Variants in GPC6 observed in about 807,000 individuals in gnomAD.
The protein encoded by GPC6 is glypican 6.
Under a neutral mutation model 55.2 loss-of-function variants are expected in GPC6, and 14 were observed. That is an observed-to-expected ratio of 0.25 (90% confidence interval 0.17 to 0.40). The LOEUF (loss-of-function observed/expected upper bound fraction) is 0.40, where lower values mean the gene tolerates loss of function less well. Ranked by LOEUF, GPC6 falls within the 10% of genes least tolerant of loss-of-function variation. GPC6 has a pLI of 1.00. For missense variants in GPC6, 641 were observed against 708.5 expected (o/e 0.90, Z 1.08); for synonymous variants, 278 against 259.6 (o/e 1.07, Z -0.68).
chr13:93,849,798 T>G (rs1485828209), intron 3 of GPC6, among the ~76,000 whole-genome samples: 2 of 152,098 alleles, frequency 1.3e-5, no homozygotes, highest in African/African-American at 4.8e-5. Flanking sequence ...CACGTGAACA[T>G]TGTACATTTC....
At chr13:93,753,203 T>C (rs1246269882) in intron 2 of GPC6, among the ~76,000 whole-genome samples, 2 of 152,170 alleles carry the variant, frequency 1.3e-5, no homozygotes, top group African/African-American at 2.4e-5. Context: ...CGTTACTTAG[T>C]GTTGGCGGAA....
At chr13:94,071,848 C>T (rs148347938) in intron 4 of GPC6, among the ~76,000 whole-genome samples, 4 of 152,060 alleles carry the variant, frequency 2.6e-5, no homozygotes, top group South Asian at 2.1e-4. Flanking sequence ...CAGTATTTTG[C>T]CTTTTGCCAA....
At chr13:93,269,770 CAAAA>C (rs55928643) in intron 1 of GPC6, among the ~76,000 whole-genome samples, 52 of 114,560 alleles carry the variant, frequency 4.5e-4, no homozygotes, top group East Asian at 4.0e-3. Context: ...CTAAAAATAC[CAAAA>C]AAAAAAAAAA....
intron 6 of GPC6, among the ~76,000 whole-genome samples, chr13:94,336,244 T>C (rs1182530396): frequency 6.6e-6 from 1 of 152,180 alleles, no homozygotes; most frequent in Non-Finnish European, 1.5e-5. Context: ...AGGCTGCTTT[T>C]CTCAGGGCCA....
At chr13:94,019,316 G>A (rs1045758121) in intron 3 of GPC6, among the ~76,000 whole-genome samples, 26 of 151,950 alleles carry the variant, frequency 1.7e-4, no homozygotes, top group African/African-American at 6.0e-4. Context: ...GGGATTTTTT[G>A]TATTAAGGTT....
the GPC6 span, among the ~76,000 whole-genome samples, chr13:93,220,913 TCTTA>T: frequency 6.6e-3 from 1,011 of 152,278 alleles, 13 homozygotes; most frequent in African/African-American, 0.023. Flanking sequence ...TGTGATGGGC[TCTTA>T]CTGTCACCCA....
chr13:93,564,161 A>G (rs1214680245), intron 2 of GPC6, among the ~76,000 whole-genome samples: 1 of 152,132 alleles, frequency 6.6e-6, no homozygotes, highest in Non-Finnish European at 1.5e-5. Flanking sequence ...AAGACTAAGG[A>G]TGAAATAGTT....
At chr13:93,267,413 A>G (rs1877361256) in intron 1 of GPC6, among the ~76,000 whole-genome samples, 1 of 151,286 alleles carries the variant, frequency 6.6e-6, no homozygotes, top group African/African-American at 2.4e-5. Flanking sequence ...TTAATTTACT[A>G]TAGACTTTAA....
chr13:93,447,088 C>T (rs1878037123), intron 1 of GPC6, among the ~76,000 whole-genome samples: 1 of 151,992 alleles, frequency 6.6e-6, no homozygotes, highest in Non-Finnish European at 1.5e-5. Flanking sequence ...TTCATTTAGC[C>T]AAATGCATCA....
At chr13:93,338,253 G>A (rs1176099131) in intron 1 of GPC6, among the ~76,000 whole-genome samples, 1 of 152,110 alleles carries the variant, frequency 6.6e-6, no homozygotes, top group Non-Finnish European at 1.5e-5. Context: ...TGGATCTAAA[G>A]GAAGAATGAA....
At chr13:93,679,635 T>A (rs1325706596) in intron 2 of GPC6, among the ~76,000 whole-genome samples, 6 of 152,156 alleles carry the variant, frequency 3.9e-5, no homozygotes, top group African/African-American at 9.6e-5. Context: ...CATGATTTCA[T>A]CACAAACAGT....
rs74111410 is a variant in GPC6, at chr13:94,036,845, G to A, written c.877+8951G>A. Among the ~76,000 whole-genome samples, 484 of 152,052 alleles carry A rather than the reference G, an allele frequency of 3.2e-3. 5 individuals carry two copies. Among genetic ancestry groups the A allele is most frequent in the African/African-American group, 0.01 (429 of 41,520 alleles). On this transcript the variant is annotated intron_variant, in intron 4 of 8. Coordinates refer to ENST00000377047, the MANE Select transcript of GPC6 (RefSeq NM_005708.5). ...CTACCTGAGTTCATTGACTTCAGGA[G>A]GAGGGTATTCTCAAAATCCACCACA...
At chr13:93,724,158 T>G (rs1309154186) in intron 2 of GPC6, among the ~76,000 whole-genome samples, 1 of 152,030 alleles carries the variant, frequency 6.6e-6, no homozygotes, top group Admixed American at 6.6e-5. Context: ...CTGGCCATGC[T>G]AGCTTCAGAT....
chr13:93,256,972 T>A (rs1234082678), intron 1 of GPC6, among the ~76,000 whole-genome samples: 1 of 152,240 alleles, frequency 6.6e-6, no homozygotes, highest in Admixed American at 6.5e-5. Context: ...TAGAAAGATA[T>A]CTTCCTTGCC....
At chr13:93,818,044 GTATA>G (rs1440920161) in intron 2 of GPC6, among the ~76,000 whole-genome samples, 3 of 146,386 alleles carry the variant, frequency 2.0e-5, no homozygotes, top group Admixed American at 6.8e-5. Context: ...TAATTATACA[GTATA>G]TATAATTTTA....
At chr13:93,877,699 T>G (rs1874672389) in intron 3 of GPC6, among the ~76,000 whole-genome samples, 1 of 152,110 alleles carries the variant, frequency 6.6e-6, no homozygotes, top group African/African-American at 2.4e-5. Context: ...AATCAGTATT[T>G]CAAAGATAAA....
chr13:93,389,334 A>G (rs1365719920), intron 1 of GPC6, among the ~76,000 whole-genome samples: 1 of 145,592 alleles, frequency 6.9e-6, no homozygotes, highest in Non-Finnish European at 1.5e-5. Flanking sequence ...CGTCTCTACT[A>G]AAAATACAAA....
At chr13:93,956,927 G>A (rs1024336436) in intron 3 of GPC6, among the ~76,000 whole-genome samples, 5 of 152,206 alleles carry the variant, frequency 3.3e-5, no homozygotes, top group South Asian at 2.1e-4. Context: ...AAAAACAGCC[G>A]CGAACAGGAG....
intron 4 of GPC6, among the ~76,000 whole-genome samples, chr13:94,101,240 A>G (rs1397775600): frequency 6.6e-6 from 1 of 152,236 alleles, no homozygotes; most frequent in Non-Finnish European, 1.5e-5. Context: ...GGAGAACCTA[A>G]TAAGCTCAGG....
Sources: allele counts gnomAD v4.1 joint callset (sites outside exome capture counted in the v4.1 genomes callset), GRCh38; gene constraint gnomAD v4.1.1; transcripts MANE v1.5; gene names NCBI Gene and HGNC (gene_info 2026-07-23, HGNC 2026-07-21).